The following GPALPP1 variants were observed in gnomAD, a reference collection of about 807,000 sequenced individuals.
The protein encoded by GPALPP1 is GPALPP motifs containing 1.
A neutral mutation model predicts 38.9 loss-of-function variants in GPALPP1; 30 were observed. That is an observed-to-expected ratio of 0.77 (90% CI 0.58 to 1.05). The LOEUF (loss-of-function observed/expected upper bound fraction) is 1.05. Among genes scored for constraint, GPALPP1 ranks in the 50% least tolerant of loss-of-function variants. GPALPP1 has a pLI of 0.00. For synonymous variants in GPALPP1, 120 were observed against 139.2 expected (o/e 0.86, Z 0.97); for missense variants, 384 against 408.8 (o/e 0.94, Z 0.52).
intron 7 of GPALPP1, among the ~76,000 whole-genome samples, chr13:45,021,513 A>C (rs945869045): frequency 6.6e-6 from 1 of 152,112 alleles, no homozygotes; most frequent in African/African-American, 2.4e-5. Flanking sequence ...GGCCAGATGT[A>C]GTGGCTCATG....
At chr13:45,035,584 T>C (rs1876380173) in exon 8 of GPALPP1, 1 of 152,244 alleles carries the variant, frequency 6.6e-6, no homozygotes. Flanking sequence ...TTTACATTCT[T>C]TTTAAGAACT....
intron 1 of GPALPP1, among the ~76,000 whole-genome samples, chr13:44,999,317 T>G (rs1873503204): frequency 6.6e-6 from 1 of 152,156 alleles, no homozygotes; most frequent in Non-Finnish European, 1.5e-5. Flanking sequence ...GGGAAATAAG[T>G]GAAATATAAG....
downstream of GPALPP1, chr13:45,033,402 T>C (rs1180190326): frequency 1.4e-5 from 2 of 146,920 alleles, no homozygotes; most frequent in East Asian, 4.1e-4. Flanking sequence ...TCATGAGATT[T>C]AAGTCTGCAG....
chr13:45,011,951 A>G (rs141583447), intron 4 of GPALPP1, among the ~76,000 whole-genome samples: 50 of 152,368 alleles, frequency 3.3e-4, no homozygotes, highest in Non-Finnish European at 6.0e-4. Flanking sequence ...TGCTAGGGGA[A>G]GAAATAAAAT....
chr13:45,026,783 A>G (rs1380223237), intron 7 of GPALPP1, among the ~76,000 whole-genome samples: 1 of 152,242 alleles, frequency 6.6e-6, no homozygotes, highest in Non-Finnish European at 1.5e-5. Context: ...ACACAGAAGG[A>G]CACAGAACCC....
chr13:45,004,257 C>T, intron 1 of GPALPP1, 48 bp from the exon 2 acceptor site: 2 of 1,519,340 alleles, frequency 1.3e-6, no homozygotes, highest in Non-Finnish European at 1.8e-6. Flanking sequence ...TAGAAGGGTT[C>T]ATTGAAACAG....
chr13:45,017,584 A>G (rs1479555522), intron 6 of GPALPP1, among the ~76,000 whole-genome samples: 5 of 152,180 alleles, frequency 3.3e-5, no homozygotes, highest in Admixed American at 2.6e-4. Flanking sequence ...ATTTGTGTCC[A>G]TATTTATTTG....
chr13:45,011,407 A>C (rs1874466254), intron 4 of GPALPP1, among the ~76,000 whole-genome samples: 1 of 152,184 alleles, frequency 6.6e-6, no homozygotes, highest in African/African-American at 2.4e-5. Context: ...CGTAATTTAT[A>C]AGGAAAGAGG....
At chr13:45,024,282 GTGTGTGTGTGTGTGTGTGTGTGTGTGTT>G (rs1375443255) in intron 7 of GPALPP1, among the ~76,000 whole-genome samples, 26 of 147,430 alleles carry the variant, frequency 1.8e-4, no homozygotes, top group South Asian at 4.4e-4. Context: ...GTGTGTGTGT[GTGTGTGTGTGTGTGTGTGTGTGTGTGTT>G]TTGAGACTGA....
intron 1 of GPALPP1, among the ~76,000 whole-genome samples, chr13:44,992,642 T>A (rs1872887950): frequency 6.6e-6 from 1 of 152,216 alleles, no homozygotes; most frequent in Non-Finnish European, 1.5e-5. Context: ...TATTTGTGTG[T>A]GGTGTGAGAT....
Position 44,989,748 on chromosome 13 carries a change from C to T in GPALPP1, c.88+6C>T, listed in dbSNP as rs750663497. 1.2e-6 allele frequency: 2 copies of T among 1,602,332 alleles called. No individual in the cohort carries two copies. The highest frequency in any genetic ancestry group is 1.7e-6 in the Non-Finnish European group (2 of 1,175,730). ...AGAGCGGGACCCGAGCCCTGGTAAG[C>T]GGCGGCGTCTCCGCTGCCCACCAGG... On this transcript the variant is annotated splice_donor_region_variant and intron_variant, in intron 1 of 7. Transcript: ENST00000379151.
rs77395794 is a variant in GPALPP1, at chr13:45,015,062, A to C, written c.519A>C (p.Glu173Asp). ...AAAAAAGGGCCCAGAGAATGAAAGA[A>C]AAACTGACCAAAGGAGATGATGTAA... ...EFEKRAQRMK[E>D]KLTKGDDDSS... is the part of the protein sequence containing the mutation. The change falls in exon 5 of 8, where the codon GAA (glutamate) becomes GAC (aspartate). Residue 173 changes from glutamate to aspartate, a missense_variant. By Grantham distance (45) the Glu-to-Asp change is conservative. Transcript: ENST00000379151. The C allele has an allele frequency of 1.7e-4, 275 of 1,603,806 alleles. 1 individual carries two copies. The East Asian group carries it at 6.1e-3, about 35-fold the overall frequency.
At chr13:45,021,391 C>T (rs976233707) in intron 7 of GPALPP1, among the ~76,000 whole-genome samples, 1 of 152,094 alleles carries the variant, frequency 6.6e-6, no homozygotes, top group Admixed American at 6.6e-5. Context: ...GAAAACTGAC[C>T]AGCTCAGAAG....
At chr13:45,013,393 A>T (rs79359950) in intron 4 of GPALPP1, among the ~76,000 whole-genome samples, 2,580 of 152,314 alleles carry the variant, frequency 0.017, 31 homozygotes, top group Non-Finnish European at 0.026. Flanking sequence ...CCTCTTTTGT[A>T]GAGAAAGGAA....
At chr13:45,033,903 C>CCTA (rs1360439161), downstream of GPALPP1, 1 of 152,156 alleles carries the variant, frequency 6.6e-6, no homozygotes, top group Non-Finnish European at 1.5e-5. Flanking sequence ...TATCACAGGA[C>CCTA]CTGTAACAGT....
intron 1 of GPALPP1, among the ~76,000 whole-genome samples, chr13:44,991,087 C>CAATA (rs1354886985): frequency 5.3e-5 from 8 of 150,656 alleles, no homozygotes; most frequent in Non-Finnish European, 7.4e-5. Flanking sequence ...GAGTTTGTCT[C>CAATA]AATAAATAAA....
intron 6 of GPALPP1, among the ~76,000 whole-genome samples, chr13:45,018,519 A>T (rs1875043215): frequency 6.6e-6 from 1 of 152,130 alleles, no homozygotes; most frequent in Non-Finnish European, 1.5e-5. Flanking sequence ...CTTAATATTA[A>T]ATGGTTAGGT....
intron 4 of GPALPP1, among the ~76,000 whole-genome samples, chr13:45,010,578 C>T (rs1434588226): frequency 6.6e-6 from 1 of 152,202 alleles, no homozygotes; most frequent in African/African-American, 2.4e-5. Context: ...CCTCATCACA[C>T]TTACAAGGTA....
intron 1 of GPALPP1, among the ~76,000 whole-genome samples, chr13:44,997,857 C>A (rs1281722719): frequency 1.3e-5 from 2 of 152,092 alleles, no homozygotes; most frequent in African/African-American, 4.8e-5. Context: ...CTGGATCAGT[C>A]CAAGTGTTTA....
Sources: gnomAD v4.1 joint callset for allele counts (sites outside exome capture counted in the v4.1 genomes callset) on GRCh38, gnomAD v4.1.1 for gene constraint, MANE v1.5 for transcripts, NCBI Gene and HGNC (gene_info 2026-07-23, HGNC 2026-07-21) for gene names.